The following ANKS1B variants were observed in gnomAD, a reference collection of about 807,000 sequenced individuals.
The protein encoded by ANKS1B is ankyrin repeat and sterile alpha motif domain-containing protein 1B.
ANKS1B carries 36 observed loss-of-function variants against 148.3 expected under a neutral mutation model. That is an observed-to-expected ratio of 0.24 (90% confidence interval 0.19 to 0.32). The LOEUF is 0.32. Among genes scored for constraint, ANKS1B ranks in the 10% least tolerant of loss-of-function variants. The pLI is 1.00. For synonymous variants in ANKS1B, 542 were observed against 560.8 expected, an observed-to-expected ratio of 0.97 and a Z score of 0.47; for missense variants, 1,157 against 1,542.6, an observed-to-expected ratio of 0.75 and a Z score of 4.19.
chr12:99,337,378 T>A (rs7979225), intron 12 of ANKS1B, among the ~76,000 whole-genome samples: 13,108 of 152,064 alleles, frequency 0.086, 1,138 homozygotes, highest in East Asian at 0.49. Context: ...TAAATTTATC[T>A]GATAGAATTC....
chr12:99,781,955 T>C, intron 5 of ANKS1B, 67 bp downstream of exon 5: 1 of 1,369,720 alleles, frequency 7.3e-7, no homozygotes, highest in Non-Finnish European at 1.0e-6. Context: ...GTCATTTTCC[T>C]TTGTCTATTC....
At chr12:99,814,765 G>GAGAAACAATTATCAAATGA in intron 2 of ANKS1B, among the ~76,000 whole-genome samples, 2 of 151,628 alleles carry the variant, frequency 1.3e-5, no homozygotes, top group Non-Finnish European at 3.0e-5. Context: ...AAACAGTTAT[G>GAGAAACAATTATCAAATGA]GTGTGAATCA....
intron 8 of ANKS1B, among the ~76,000 whole-genome samples, chr12:99,742,246 C>T (rs546532991): frequency 1.4e-5 from 2 of 147,854 alleles, no homozygotes; most frequent in Admixed American, 6.7e-5. Flanking sequence ...TACCCCTGAA[C>T]TTAAAAGAAA....
At chr12:98,983,545 T>G (rs2099919360) in intron 17 of ANKS1B, among the ~76,000 whole-genome samples, 1 of 152,228 alleles carries the variant, frequency 6.6e-6, no homozygotes, top group East Asian at 1.9e-4. Flanking sequence ...GCGATTAAAG[T>G]TATGAGGGTC....
chr12:99,476,362 G>A (rs961321405), intron 10 of ANKS1B, among the ~76,000 whole-genome samples: 4 of 152,140 alleles, frequency 2.6e-5, no homozygotes, highest in African/African-American at 9.7e-5. Flanking sequence ...CTGCACTCCA[G>A]CCTGGACAAC....
chr12:99,564,058 A>T (rs2097364108), intron 9 of ANKS1B, among the ~76,000 whole-genome samples: 1 of 152,138 alleles, frequency 6.6e-6, no homozygotes, highest in Non-Finnish European at 1.5e-5. Flanking sequence ...TAGAGATGAA[A>T]ATTTGGATTG....
intron 11 of ANKS1B, among the ~76,000 whole-genome samples, chr12:99,409,959 T>A (rs1392820575): frequency 6.6e-6 from 1 of 152,170 alleles, no homozygotes; most frequent in Non-Finnish European, 1.5e-5. Context: ...TTAAAACATA[T>A]CCCTCCACTG....
chr12:99,362,957 T>C (rs1348512276), intron 12 of ANKS1B, among the ~76,000 whole-genome samples: 11 of 152,028 alleles, frequency 7.2e-5, no homozygotes, highest in Admixed American at 6.6e-4. Flanking sequence ...ATCTTAAGAG[T>C]AAATAATTAT....
chr12:99,834,498 A>C (rs114012477), intron 1 of ANKS1B, among the ~76,000 whole-genome samples: 1 of 152,224 alleles, frequency 6.6e-6, no homozygotes, highest in African/African-American at 2.4e-5. Flanking sequence ...TAATGTAACA[A>C]ATCAGATTAG....
At chr12:99,257,418 G>A (rs991261992) in intron 12 of ANKS1B, among the ~76,000 whole-genome samples, 1 of 151,594 alleles carries the variant, frequency 6.6e-6, no homozygotes, top group African/African-American at 2.4e-5. Context: ...CTTCTTCTGT[G>A]CATAATCTGC....
chr12:98,982,994 CAACT>C (rs1445284310), intron 17 of ANKS1B, among the ~76,000 whole-genome samples: 1 of 152,192 alleles, frequency 6.6e-6, no homozygotes, highest in Non-Finnish European at 1.5e-5. Flanking sequence ...GTTCTGCCAC[CAACT>C]GTGTGTACAA....
At chr12:99,763,491 G>T (rs1409034949) in intron 8 of ANKS1B, among the ~76,000 whole-genome samples, 1 of 151,992 alleles carries the variant, frequency 6.6e-6, no homozygotes, top group Admixed American at 6.6e-5. Context: ...TACAGACAAT[G>T]GGGCTTACTT....
chr12:98,871,525 C>T (rs1172839105), intron 17 of ANKS1B, among the ~76,000 whole-genome samples: 1 of 152,062 alleles, frequency 6.6e-6, no homozygotes, highest in African/African-American at 2.4e-5. Context: ...AAATTAGAAC[C>T]AACATCTTCT....
rs540348973 is a variant in ANKS1B, at chr12:99,673,950, AAC to A, written c.1129-18742_1129-18741del. On this transcript the variant is annotated intron_variant, in intron 8 of 26. Coordinates refer to ENST00000683438, the MANE Select transcript of ANKS1B (RefSeq NM_001352186.2). ...TAGTTACAAGATTAATATAAAAATC[AAC>A]AGTCTTTCTATTTATAAGCAAAGAC... 1.2e-4 allele frequency among the ~76,000 whole-genome samples: 18 copies of A among 151,956 alleles called. No homozygotes were observed. In the East Asian group the frequency reaches 2.1e-3, roughly 18 times the overall value.
chr12:99,733,409 T>C (rs1016610368), intron 8 of ANKS1B, among the ~76,000 whole-genome samples: 1 of 152,174 alleles, frequency 6.6e-6, no homozygotes, highest in African/African-American at 2.4e-5. Flanking sequence ...AATTAAAAGC[T>C]TGCCATGATA....
At chr12:99,720,047 G>A (rs185372014) in intron 8 of ANKS1B, among the ~76,000 whole-genome samples, 81 of 152,148 alleles carry the variant, frequency 5.3e-4, no homozygotes, top group African/African-American at 1.8e-3. Context: ...CTATTCTGTC[G>A]TCATTTCATA....
Position 99,717,526 on chromosome 12 carries a change from G to A in ANKS1B, c.1128+55396C>T, listed in dbSNP as rs529947268. The stretch of plus-strand genomic sequence containing the variant: ...CAGCCCGGGATTCCTCCTAAGCCGC[G>A]TCCCATCTGTGTGGGACCCCACTGA... On this transcript the variant is annotated intron_variant, in intron 8 of 26. Transcript: ENST00000683438. Among the ~76,000 whole-genome samples the A allele has an allele frequency of 4.8e-3, 734 of 152,196 alleles. 7 individuals are homozygous for A. The highest frequency in any genetic ancestry group is 0.017 in the African/African-American group (688 of 41,532).
At chr12:99,744,272 CATG>C (rs1402518050) in intron 8 of ANKS1B, among the ~76,000 whole-genome samples, 2 of 152,188 alleles carry the variant, frequency 1.3e-5, no homozygotes, top group Non-Finnish European at 2.9e-5. Flanking sequence ...GAGTCAATCA[CATG>C]ATAAGTCAAT....
rs887077477 is a variant in ANKS1B, at chr12:98,801,205, C to T, written c.3142-80G>A. Reference sequence around the variant, plus strand: ...CTGTAGCTACCCTGAGCTCACCTTACACACAGGTGCTGTGAATGTACCAAA... The same window carrying T: ...CTGTAGCTACCCTGAGCTCACCTTATACACAGGTGCTGTGAATGTACCAAA... On this transcript the variant is annotated intron_variant, in intron 20 of 26. Transcript: ENST00000683438. This position sits in a 1 kb window ranked among gnomAD's most constrained non-coding sequence, Gnocchi z 5.2. 3 of 1,451,954 alleles carry T rather than the reference C, an allele frequency of 2.1e-6. No homozygotes were observed. Among genetic ancestry groups the T allele is most frequent in the Middle Eastern group, 3.5e-4 (2 of 5,644 alleles). 89.9% of individuals were successfully genotyped at this position (1,451,954 alleles called of 1,614,324 possible). A position where few individuals can be genotyped will look rare whatever the true frequency, so the allele number is the denominator to read the frequency against.
Sources: allele counts gnomAD v4.1 joint callset (sites outside exome capture counted in the v4.1 genomes callset), GRCh38; gene constraint gnomAD v4.1.1; non-coding constraint Gnocchi (gnomAD v3.1); transcripts MANE v1.5; gene names NCBI Gene and HGNC (gene_info 2026-07-23, HGNC 2026-07-21).